Variants in SPIDR observed in about 807,000 individuals in gnomAD.
SPIDR encodes DNA repair-scaffolding protein.
A neutral mutation model predicts 104.6 loss-of-function variants in SPIDR; 93 were observed. That is an observed-to-expected ratio of 0.89 (90% CI 0.75 to 1.06). The LOEUF (loss-of-function observed/expected upper bound fraction) is 1.06, where lower values mean the gene tolerates loss of function less well. Ranked by LOEUF, SPIDR falls within the 50% of genes least tolerant of loss-of-function variation. SPIDR has a pLI of 0.00. For synonymous variants in SPIDR, 431 were observed against 416.9 expected (o/e 1.03, Z -0.41); for missense variants, 1,154 against 1,111.2 (o/e 1.04, Z -0.55).
In SPIDR at chr8:47,735,490, A is replaced by T. The variant is rs1388463823; in HGVS notation, c.*40A>T. 6.2e-7 allele frequency: 1 copy of T among 1,613,928 alleles called. No homozygotes were observed. The highest frequency in any genetic ancestry group is 1.7e-5 in the Admixed American group (1 of 59,984). On this transcript the variant is annotated 3_prime_UTR_variant, in exon 20 of 20. Coordinates refer to ENST00000297423, the MANE Select transcript of SPIDR (RefSeq NM_001080394.4). Reference sequence around the variant, plus strand: ...TCTGTGAACTTTGCAATGTGGCTGCAAGGGTGGTGGTGGTGGTGGTGATTT... The same window carrying T: ...TCTGTGAACTTTGCAATGTGGCTGCTAGGGTGGTGGTGGTGGTGGTGATTT...
intron 5 of SPIDR, among the ~76,000 whole-genome samples, chr8:47,308,973 G>A (rs992068920): frequency 6.6e-6 from 1 of 152,324 alleles, no homozygotes; most frequent in East Asian, 1.9e-4. Flanking sequence ...AGATTCCAGA[G>A]TTTCAAAATA....
intron 8 of SPIDR, among the ~76,000 whole-genome samples, chr8:47,588,408 C>T (rs2060566468): frequency 6.6e-6 from 1 of 150,862 alleles, no homozygotes; most frequent in Non-Finnish European, 1.5e-5. Flanking sequence ...TGTAGAAATA[C>T]ACCTAATTTT....
At chr8:47,540,588 C>A (rs2154390704) in intron 8 of SPIDR, among the ~76,000 whole-genome samples, 1 of 152,234 alleles carries the variant, frequency 6.6e-6, no homozygotes, top group East Asian at 1.9e-4. Flanking sequence ...CTAACTACAT[C>A]TTTAGTTTAG....
chr8:47,348,954 A>T (rs1045752648), intron 5 of SPIDR, among the ~76,000 whole-genome samples: 3 of 152,168 alleles, frequency 2.0e-5, no homozygotes, highest in Non-Finnish European at 2.9e-5. Flanking sequence ...ACTTCTGTCA[A>T]CTTGTCAAAG....
intron 7 of SPIDR, among the ~76,000 whole-genome samples, chr8:47,411,576 T>G (rs2063531350): frequency 6.6e-6 from 1 of 152,236 alleles, no homozygotes; most frequent in Non-Finnish European, 1.5e-5. Context: ...ATGAGTAGAT[T>G]GCGAAAGTTT....
intron 5 of SPIDR, among the ~76,000 whole-genome samples, chr8:47,328,670 G>A (rs1019548889): frequency 1.4e-4 from 22 of 152,174 alleles, no homozygotes; most frequent in African/African-American, 5.3e-4. Flanking sequence ...TATCTCTTAT[G>A]CAGAGCATAC....
At chr8:47,489,448 G>A (rs368085226) in intron 8 of SPIDR, among the ~76,000 whole-genome samples, 30 of 152,164 alleles carry the variant, frequency 2.0e-4, no homozygotes, top group South Asian at 6.2e-4. Context: ...TATAGATTCA[G>A]TGCCATCCCC....
At chr8:47,638,641 G>A (rs1313281673) in intron 10 of SPIDR, among the ~76,000 whole-genome samples, 1 of 152,162 alleles carries the variant, frequency 6.6e-6, no homozygotes, top group Non-Finnish European at 1.5e-5. Context: ...TTACTAATTT[G>A]CTATTTCTTT....
At chr8:47,663,621 TG>T (rs1246281780) in intron 10 of SPIDR, among the ~76,000 whole-genome samples, 3 of 152,244 alleles carry the variant, frequency 2.0e-5, no homozygotes, top group Non-Finnish European at 2.9e-5. Flanking sequence ...TTATCTGGCT[TG>T]GCAATTTTGT....
chr8:47,350,291 G>A (rs945810484), intron 5 of SPIDR, among the ~76,000 whole-genome samples: 6 of 152,080 alleles, frequency 3.9e-5, no homozygotes, highest in Admixed American at 1.3e-4. Context: ...TCCTTGACAC[G>A]TGAAAGATGA....
chr8:47,611,523 C>T (rs1164966280), intron 10 of SPIDR, among the ~76,000 whole-genome samples: 1 of 151,944 alleles, frequency 6.6e-6, no homozygotes, highest in Non-Finnish European at 1.5e-5. Flanking sequence ...ACAGTGAAAC[C>T]CCGTCTCTAC....
chr8:47,662,791 G>A (rs1057437722), intron 10 of SPIDR, among the ~76,000 whole-genome samples: 1 of 152,220 alleles, frequency 6.6e-6, no homozygotes, highest in African/African-American at 2.4e-5. Flanking sequence ...CAAGGTATTA[G>A]GGGGTGGGGC....
intron 10 of SPIDR, among the ~76,000 whole-genome samples, chr8:47,629,109 A>G (rs1429031635): frequency 3.3e-5 from 5 of 152,164 alleles, no homozygotes; most frequent in Non-Finnish European, 5.9e-5. Flanking sequence ...GACTTAAGGA[A>G]AAGTTTCGTT....
At chr8:47,390,675 T>C (rs941055461) in intron 5 of SPIDR, among the ~76,000 whole-genome samples, 5 of 152,068 alleles carry the variant, frequency 3.3e-5, no homozygotes, top group African/African-American at 7.3e-5. Context: ...TATTTTTTTT[T>C]CCTACCTTTC....
At chr8:47,475,795 C>G (rs1271134817) in intron 8 of SPIDR, among the ~76,000 whole-genome samples, 1 of 152,010 alleles carries the variant, frequency 6.6e-6, no homozygotes, top group Non-Finnish European at 1.5e-5. Flanking sequence ...TTATCTAAAC[C>G]AATACAGTAT....
intron 8 of SPIDR, among the ~76,000 whole-genome samples, chr8:47,526,958 C>T (rs943164168): frequency 7.9e-5 from 12 of 152,282 alleles, no homozygotes; most frequent in Non-Finnish European, 1.5e-4. Flanking sequence ...CAGCAGAACT[C>T]AGAAGCAGCC....
intron 5 of SPIDR, among the ~76,000 whole-genome samples, chr8:47,329,002 G>A (rs1587060364): frequency 6.6e-6 from 1 of 151,816 alleles, no homozygotes; most frequent in Non-Finnish European, 1.5e-5. Flanking sequence ...CACTTCCTGG[G>A]TTCAAGCAAT....
At chr8:47,580,323 C>T (rs193250095) in intron 8 of SPIDR, among the ~76,000 whole-genome samples, 3 of 152,290 alleles carry the variant, frequency 2.0e-5, no homozygotes, top group African/African-American at 7.2e-5. Context: ...GTATAATTCA[C>T]AGTAGTGACA....
intron 3 of SPIDR, among the ~76,000 whole-genome samples, chr8:47,285,112 T>G (rs1437200634): frequency 2.0e-5 from 3 of 152,348 alleles, no homozygotes; most frequent in Non-Finnish European, 2.9e-5. Flanking sequence ...AATAGTAGAT[T>G]AAATGCCTAA....
Sources: gnomAD v4.1 joint callset for allele counts (sites outside exome capture counted in the v4.1 genomes callset) on GRCh38, gnomAD v4.1.1 for gene constraint, MANE v1.5 for transcripts, NCBI Gene and HGNC (gene_info 2026-07-23, HGNC 2026-07-21) for gene names.